The following COL23A1 variants were observed in gnomAD, a reference collection of about 807,000 sequenced individuals.
COL23A1 encodes the protein collagen type XXIII alpha 1 chain.
COL23A1 carries 97 observed loss-of-function variants against 99.3 expected under a neutral mutation model. The observed-to-expected ratio is 0.98, with a 90% CI of 0.83 to 1.16. The LOEUF (loss-of-function observed/expected upper bound fraction) is 1.16, where lower values mean the gene tolerates loss of function less well. Ranked by LOEUF, COL23A1 falls within the 50% of genes most tolerant of loss-of-function variation. COL23A1 has a pLI of 0.00. For synonymous variants in COL23A1, 320 were observed against 308.2 expected (o/e 1.04, Z -0.40); for missense variants, 762 against 757.4 (o/e 1.01, Z -0.07).
At chr5:178,338,665 C>T (rs904631280) in intron 2 of COL23A1, among the ~76,000 whole-genome samples, 4 of 141,770 alleles carry the variant, frequency 2.8e-5, no homozygotes, top group African/African-American at 8.0e-5. Context: ...TGGCCAGCAT[C>T]GGGTAGAGAA....
At chr5:178,513,318 G>A (rs928357753) in intron 2 of COL23A1, among the ~76,000 whole-genome samples, 9 of 152,190 alleles carry the variant, frequency 5.9e-5, no homozygotes, top group South Asian at 2.1e-4. Context: ...AGGTGTGTAC[G>A]TTTAGGGACT....
chr5:178,481,513 T>A (rs891201525), intron 2 of COL23A1, among the ~76,000 whole-genome samples: 6 of 151,764 alleles, frequency 4.0e-5, no homozygotes, highest in African/African-American at 1.5e-4. Flanking sequence ...GACAACTCAA[T>A]AACAAAAACA....
chr5:178,366,617 GTCTC>G lies in COL23A1; in HGVS notation c.362-59702_362-59699del, dbSNP rs552161181. Reference sequence around the variant, plus strand: ...CACTGTGACTAGAACAAGTCCTCGTGTCTCTCTATGTGAGCCCCCAACCCACTCT... The same window carrying G: ...CACTGTGACTAGAACAAGTCCTCGTGTCTATGTGAGCCCCCAACCCACTCT... On this transcript the variant is annotated intron_variant, in intron 2 of 28. Transcript: ENST00000390654. This position sits in a 1 kb window ranked among gnomAD's most constrained non-coding sequence, Gnocchi z 4.4. Among the ~76,000 whole-genome samples the G allele has an allele frequency of 1.7e-3, 263 of 152,232 alleles. No individual in the cohort carries two copies. Among genetic ancestry groups the G allele is most frequent in the Non-Finnish European group, 2.9e-3 (199 of 68,010 alleles).
chr5:178,497,134 C>T (rs1758238996), intron 2 of COL23A1, among the ~76,000 whole-genome samples: 1 of 152,136 alleles, frequency 6.6e-6, no homozygotes, highest in African/African-American at 2.4e-5. Flanking sequence ...GTCAGTACTG[C>T]TACCAAAAGA....
intron 2 of COL23A1, among the ~76,000 whole-genome samples, chr5:178,499,075 G>A (rs535414924): frequency 5.7e-4 from 87 of 152,248 alleles, no homozygotes; most frequent in Admixed American, 7.9e-4. Context: ...CAGTGACAGA[G>A]TGAGATTCCA....
chr5:178,360,496 C>T (rs1413471944), intron 2 of COL23A1, among the ~76,000 whole-genome samples: 4 of 152,250 alleles, frequency 2.6e-5, no homozygotes, highest in South Asian at 2.1e-4. Context: ...GGGCTGCAGT[C>T]GTGCCTAGGG....
chr5:178,285,856 G>A (rs1177525295), intron 5 of COL23A1, among the ~76,000 whole-genome samples: 1 of 152,268 alleles, frequency 6.6e-6, no homozygotes, highest in Non-Finnish European at 1.5e-5. Flanking sequence ...CACAGGCCAA[G>A]AGATAGGAAT....
intron 18 of COL23A1, 116 bp from the exon 19 acceptor site, chr5:178,249,322 C>A: frequency 1.1e-6 from 1 of 949,014 alleles, no homozygotes; most frequent in East Asian, 2.4e-5. Flanking sequence ...TTGTGGGTCC[C>A]CACCTCCAGC....
intron 2 of COL23A1, among the ~76,000 whole-genome samples, chr5:178,473,196 C>T (rs1001586801): frequency 1.3e-5 from 2 of 152,042 alleles, no homozygotes; most frequent in Non-Finnish European, 2.9e-5. Context: ...TACAGTAGAA[C>T]AATATTTACA....
intron 2 of COL23A1, among the ~76,000 whole-genome samples, chr5:178,425,458 TAAATA>T (rs1291989029): frequency 8.9e-6 from 1 of 111,858 alleles, no homozygotes; most frequent in Non-Finnish European, 1.7e-5. Context: ...AATAAATAAA[TAAATA>T]AATAAAAATA....
intron 2 of COL23A1, among the ~76,000 whole-genome samples, chr5:178,502,384 G>A (rs554379901): frequency 3.9e-4 from 59 of 152,314 alleles, no homozygotes; most frequent in Non-Finnish European, 4.7e-4. Flanking sequence ...GCCCGCCTCG[G>A]CCTCCCAAAG....
chr5:178,565,129 TA>T (rs778825161), intron 1 of COL23A1, among the ~76,000 whole-genome samples: 2 of 152,216 alleles, frequency 1.3e-5, no homozygotes, highest in Non-Finnish European at 2.9e-5. Flanking sequence ...TACATTGACG[TA>T]GAAACACAGG....
chr5:178,529,807 G>A (rs968196595), intron 2 of COL23A1, among the ~76,000 whole-genome samples: 7 of 152,158 alleles, frequency 4.6e-5, no homozygotes, highest in African/African-American at 1.7e-4. Context: ...CCAGCATGGT[G>A]CCAGGCACAC....
intron 2 of COL23A1, among the ~76,000 whole-genome samples, chr5:178,405,093 C>G (rs1321817350): frequency 6.6e-6 from 1 of 152,264 alleles, no homozygotes; most frequent in East Asian, 1.9e-4. Flanking sequence ...GAGCCCATCT[C>G]TACCTCCCGC....
chr5:178,303,468 C>G (rs1469773471), intron 3 of COL23A1, among the ~76,000 whole-genome samples: 1 of 152,176 alleles, frequency 6.6e-6, no homozygotes, highest in African/African-American at 2.4e-5. Flanking sequence ...TCCATCTTCC[C>G]CCTTGTTTTT....
intron 2 of COL23A1, among the ~76,000 whole-genome samples, chr5:178,476,286 C>A (rs533052569): frequency 6.6e-6 from 1 of 152,144 alleles, no homozygotes; most frequent in Non-Finnish European, 1.5e-5. Flanking sequence ...CCTTTCCCAG[C>A]GGTATAAGAG....
Position 178,392,821 on chromosome 5 carries a change from A to G in COL23A1, c.362-85902T>C, listed in dbSNP as rs184167259. Among the ~76,000 whole-genome samples the G allele has an allele frequency of 5.3e-5, 8 of 152,364 alleles. No individual in the cohort carries two copies. In the East Asian group the frequency reaches 1.5e-3, roughly 29 times the overall value. On this transcript the variant is annotated intron_variant, in intron 2 of 28. Transcript: ENST00000390654. ...CACATTAGAAGAGGAGGCCTCAGGAAGAACAAGACCCAACGTGGCCAAGCA... is the reference window on the plus strand; with the variant it reads ...CACATTAGAAGAGGAGGCCTCAGGAGGAACAAGACCCAACGTGGCCAAGCA...
intron 3 of COL23A1, among the ~76,000 whole-genome samples, chr5:178,299,113 TC>T (rs1457899989): frequency 6.6e-6 from 1 of 152,250 alleles, no homozygotes; most frequent in African/African-American, 2.4e-5. Context: ...GTCTATAGTT[TC>T]TTTTTTTGTG....
intron 2 of COL23A1, among the ~76,000 whole-genome samples, chr5:178,375,702 T>C (rs1277549253): frequency 1.4e-5 from 2 of 147,274 alleles, no homozygotes; most frequent in Non-Finnish European, 3.0e-5. Flanking sequence ...CCATTCCCTT[T>C]TCTTTCTTTC....
Sources: gnomAD v4.1 joint callset for allele counts (sites outside exome capture counted in the v4.1 genomes callset) on GRCh38, gnomAD v4.1.1 for gene constraint, Gnocchi (gnomAD v3.1) non-coding constraint, MANE v1.5 for transcripts, NCBI Gene and HGNC (gene_info 2026-07-23, HGNC 2026-07-21) for gene names.